Variants in CHSY3 observed in about 807,000 individuals in gnomAD.
CHSY3 encodes the protein N-acetylgalactosaminyl-proteoglycan 3-beta-glucuronosyltransferase 3.
CHSY3 carries 35 observed loss-of-function variants against 67.2 expected under a neutral mutation model. The observed-to-expected ratio is 0.52, with a 90% CI of 0.40 to 0.69. CHSY3 has a LOEUF of 0.69. Ranked by LOEUF, CHSY3 falls within the 30% of genes least tolerant of loss-of-function variation. The pLI is 0.00. For synonymous variants in CHSY3, 474 were observed against 434.7 expected (o/e 1.09, Z -1.12); for missense variants, 1,069 against 1,138.5 (o/e 0.94, Z 0.88).
At chr5:130,000,507 T>C (rs1763689006) in intron 2 of CHSY3, among the ~76,000 whole-genome samples, 1 of 152,156 alleles carries the variant, frequency 6.6e-6, no homozygotes, top group African/African-American at 2.4e-5. Context: ...TACGATTTTG[T>C]GTTCTTTCTC....
intron 2 of CHSY3, among the ~76,000 whole-genome samples, chr5:129,949,935 G>A (rs1761976759): frequency 6.6e-6 from 1 of 152,176 alleles, no homozygotes; most frequent in Admixed American, 6.5e-5. Flanking sequence ...AGGCTGAGGG[G>A]GGTGGATCAC....
At chr5:130,176,203 A>G (rs193076617) in intron 2 of CHSY3, among the ~76,000 whole-genome samples, 1 of 152,166 alleles carries the variant, frequency 6.6e-6, no homozygotes, top group Non-Finnish European at 1.5e-5. Flanking sequence ...ATGAACAGAC[A>G]TTTCTCAAAA....
intron 2 of CHSY3, among the ~76,000 whole-genome samples, chr5:129,945,192 A>C (rs1225969162): frequency 6.6e-6 from 1 of 152,230 alleles, no homozygotes; most frequent in Non-Finnish European, 1.5e-5. Flanking sequence ...AGGCTTTTGT[A>C]ATCTACTGCC....
At chr5:130,121,583 T>C (rs1220115300) in intron 2 of CHSY3, among the ~76,000 whole-genome samples, 1 of 152,202 alleles carries the variant, frequency 6.6e-6, no homozygotes, top group Non-Finnish European at 1.5e-5. Flanking sequence ...GCACATCACA[T>C]ATTAAATAAC....
intron 2 of CHSY3, among the ~76,000 whole-genome samples, chr5:129,972,665 C>G (rs1027332020): frequency 7.3e-5 from 11 of 151,598 alleles, no homozygotes; most frequent in Non-Finnish European, 1.5e-4. Context: ...GAAAAATGCT[C>G]TGCAACTGAA....
chr5:130,085,720 C>T (rs1340172620), intron 2 of CHSY3, among the ~76,000 whole-genome samples: 1 of 152,058 alleles, frequency 6.6e-6, no homozygotes, highest in East Asian at 1.9e-4. Context: ...AATTTTGGAT[C>T]TTTGCTGCTT....
intron 2 of CHSY3, among the ~76,000 whole-genome samples, chr5:130,089,234 T>TG: frequency 2.9e-5 from 1 of 33,924 alleles, no homozygotes; most frequent in East Asian, 1.1e-3. Context: ...GGGTGGGGGG[T>TG]GGGGGGAGGG....
At chr5:130,008,270 T>C (rs1763935711) in intron 2 of CHSY3, among the ~76,000 whole-genome samples, 1 of 151,980 alleles carries the variant, frequency 6.6e-6, no homozygotes, top group East Asian at 1.9e-4. Flanking sequence ...TGGGGACACA[T>C]TGGCCCCTCC....
At chr5:130,101,568 C>G (rs567115318) in intron 2 of CHSY3, among the ~76,000 whole-genome samples, 32 of 152,190 alleles carry the variant, frequency 2.1e-4, no homozygotes, top group African/African-American at 7.7e-4. Context: ...ATACCCATTA[C>G]CTCACATACA....
intron 2 of CHSY3, among the ~76,000 whole-genome samples, chr5:129,953,172 T>C (rs57731442): frequency 0.58 from 87,236 of 151,678 alleles, 25,214 homozygotes; most frequent in Middle Eastern, 0.61. Context: ...ATGTTCCCCT[T>C]CCTGTGTCCA....
chr5:129,987,756 G>T (rs1292817876), intron 2 of CHSY3, among the ~76,000 whole-genome samples: 1 of 152,110 alleles, frequency 6.6e-6, no homozygotes, highest in Admixed American at 6.5e-5. Flanking sequence ...TAAAATAATA[G>T]CTGGCCAGCA....
chr5:129,997,221 CA>C lies in CHSY3; in HGVS notation c.1086+88864del, dbSNP rs1763566895. On this transcript the variant is annotated intron_variant, in intron 2 of 2. Transcript: ENST00000305031. ...GGTTAGGTCATTTTCTGCACTTTGT[CA>C]AAGCCAATATATGACAATATATGCC... Among the ~76,000 whole-genome samples, 9 of 152,080 alleles carry C rather than the reference CA, an allele frequency of 5.9e-5. No individual in the cohort carries two copies. In the South Asian group the frequency reaches 1.9e-3, roughly 32 times the overall value.
At chr5:130,112,066 C>T (rs963520840) in intron 2 of CHSY3, among the ~76,000 whole-genome samples, 6 of 152,000 alleles carry the variant, frequency 3.9e-5, no homozygotes, top group Admixed American at 6.6e-5. Flanking sequence ...TGTTCCAGTC[C>T]GTTGATTCTC....
chr5:130,156,747 G>C lies in CHSY3; in HGVS notation c.1087-27482G>C, dbSNP rs546788239. Among the ~76,000 whole-genome samples the C allele has an allele frequency of 8.5e-4, 130 of 152,248 alleles. 1 individual carries two copies. In the Middle Eastern group the frequency reaches 0.01, roughly 12 times the overall value. On this transcript the variant is annotated intron_variant, in intron 2 of 2. Transcript: ENST00000305031. ...TAATACATGGACTAGATTGACTATG[G>C]GCAAGCAAGCTACATCTTACAGACA...
At chr5:130,032,974 A>G (rs1764744647) in intron 2 of CHSY3, among the ~76,000 whole-genome samples, 1 of 152,140 alleles carries the variant, frequency 6.6e-6, no homozygotes, top group African/African-American at 2.4e-5. Flanking sequence ...AGTCCGTCAT[A>G]CCAGTCTTGC....
chr5:129,965,616 T>G (rs1245615753), intron 2 of CHSY3, among the ~76,000 whole-genome samples: 1 of 151,890 alleles, frequency 6.6e-6, no homozygotes, highest in African/African-American at 2.4e-5. Flanking sequence ...TACCTTTTGT[T>G]GAAACGAGAT....
At chr5:130,151,729 G>A (rs914444660) in intron 2 of CHSY3, among the ~76,000 whole-genome samples, 7 of 152,208 alleles carry the variant, frequency 4.6e-5, no homozygotes, top group African/African-American at 1.7e-4. Flanking sequence ...CAGATCTTAT[G>A]AGAACTCACT....
At chr5:130,133,861 TC>T (rs1433689302) in intron 2 of CHSY3, among the ~76,000 whole-genome samples, 1 of 148,110 alleles carries the variant, frequency 6.8e-6, no homozygotes, top group Non-Finnish European at 1.5e-5. Context: ...TTATGTTTGC[TC>T]CCAAACATAC....
intron 2 of CHSY3, among the ~76,000 whole-genome samples, chr5:130,176,743 C>A (rs1770065257): frequency 6.6e-6 from 1 of 152,126 alleles, no homozygotes; most frequent in Admixed American, 6.5e-5. Flanking sequence ...GACACAGGAA[C>A]AGAAAACCAA....
Sources: gnomAD v4.1 joint callset for allele counts (sites outside exome capture counted in the v4.1 genomes callset) on GRCh38, gnomAD v4.1.1 for gene constraint, MANE v1.5 for transcripts, NCBI Gene and HGNC (gene_info 2026-07-23, HGNC 2026-07-21) for gene names.